Variants in NFIB observed in about 807,000 individuals in gnomAD.
The protein encoded by NFIB is nuclear factor 1 B-type.
In NFIB, 11 loss-of-function variants were observed where a neutral mutation model predicts 61.5. That is an observed-to-expected ratio of 0.18 (90% CI 0.11 to 0.30). The LOEUF is 0.30. Ranked by LOEUF, NFIB falls within the 10% of genes least tolerant of loss-of-function variation. The pLI, the probability that NFIB is intolerant of heterozygous loss-of-function variation, is 1.00. For missense variants in NFIB, 471 were observed against 608.9 expected (o/e 0.77, Z 2.38); for synonymous variants, 260 against 216.5 (o/e 1.20, Z -1.76).
At chr9:14,217,773 C>A (rs1405617780) in intron 2 of NFIB, among the ~76,000 whole-genome samples, 1 of 151,460 alleles carries the variant, frequency 6.6e-6, no homozygotes, top group Non-Finnish European at 1.5e-5. Context: ...TTATCTCATT[C>A]AAGATATTAC....
the NFIB span, among the ~76,000 whole-genome samples, chr9:14,515,653 C>CCCATTAT: frequency 6.6e-6 from 1 of 152,134 alleles, no homozygotes; most frequent in East Asian, 1.9e-4. Flanking sequence ...TGCCTCTGAA[C>CCCATTAT]GTCTGAGGCC....
At chr9:14,291,931 T>A (rs112253311) in intron 2 of NFIB, among the ~76,000 whole-genome samples, 1 of 152,150 alleles carries the variant, frequency 6.6e-6, no homozygotes. Context: ...ATTAGTTGAG[T>A]GCAATTTAGT....
intron 2 of NFIB, among the ~76,000 whole-genome samples, chr9:14,304,437 C>T (rs948391493): frequency 1.4e-4 from 22 of 152,252 alleles, no homozygotes; most frequent in African/African-American, 5.1e-4. Context: ...AACATCACTC[C>T]ACACTGCAAT....
In NFIB at chr9:14,107,313, CA is replaced by C. The variant is rs540305308; in HGVS notation, c.1467+5685del. ...TTGTATGTTTCACATACAACACATGCAAAAAAAAACAAACAAACAAAAAAAA... is the reference window on the plus strand; with the variant it reads ...TTGTATGTTTCACATACAACACATGCAAAAAAAACAAACAAACAAAAAAAA... On this transcript the variant is annotated intron_variant, in intron 10 of 10. Coordinates refer to ENST00000380953, the MANE Select transcript of NFIB (RefSeq NM_001190737.2). Among the ~76,000 whole-genome samples the C allele has an allele frequency of 7.0e-5, 10 of 143,214 alleles. No homozygotes were observed. In the South Asian group the frequency reaches 1.6e-3, roughly 22 times the overall value. The allele number at this position is 143,214 out of a possible 152,430, so 94.0% of individuals were successfully genotyped here.
At chr9:14,342,071 C>CT (rs1472913675) in intron 1 of NFIB, among the ~76,000 whole-genome samples, 1 of 152,150 alleles carries the variant, frequency 6.6e-6, no homozygotes, top group Non-Finnish European at 1.5e-5. Context: ...CCTTCTTAAG[C>CT]TTTTTGGCCA....
rs3747538 is a variant in NFIB, at chr9:14,307,808, C to T, written c.31-288G>A. Reference sequence around the variant, plus strand: ...ACTCTGGCCCCATCCCCCTTGTTTCCACCCCAATGCCATGCATTCTACATT... The same window carrying T: ...ACTCTGGCCCCATCCCCCTTGTTTCTACCCCAATGCCATGCATTCTACATT... On this transcript the variant is annotated intron_variant, in intron 1 of 10. Transcript: ENST00000380953. The surrounding 1 kb of genome is among the most constrained non-coding windows in gnomAD (Gnocchi z 5.3). The T allele has an allele frequency of 0.59, 147,421 of 251,790 alleles. 46,008 individuals carry two copies. The highest frequency in any genetic ancestry group is 0.72 in the South Asian group (7,301 of 10,142). 15.6% of individuals were successfully genotyped at this position (251,790 alleles called of 1,614,324 possible).
intron 2 of NFIB, among the ~76,000 whole-genome samples, chr9:14,196,615 T>C (rs186540086): frequency 1.3e-3 from 200 of 151,804 alleles, no homozygotes; most frequent in African/African-American, 4.6e-3. Context: ...CCACAGAATG[T>C]GTCCTCCAAG....
rs137894925 is a variant in NFIB at position 14,191,051 on chromosome 9, G to A, written c.563-11271C>T. ...CTACTAAAAATACAATAATTAGCTG[G>A]GCGTAGTGGTGGGTGCCTGTAGTCC... On this transcript the variant is annotated intron_variant, in intron 2 of 10. Transcript: ENST00000380953. 8.5e-5 allele frequency among the ~76,000 whole-genome samples: 13 copies of A among 152,206 alleles called. No homozygotes were observed. In the East Asian group the frequency reaches 2.5e-3, roughly 29 times the overall value.
chr9:14,285,347 T>C (rs997776517), intron 2 of NFIB, among the ~76,000 whole-genome samples: 1 of 152,204 alleles, frequency 6.6e-6, no homozygotes, highest in African/African-American at 2.4e-5. Flanking sequence ...GGTCCCGAAC[T>C]CCTGACCTCA....
intron 10 of NFIB, chr9:14,093,434 A>C (rs1312680065): frequency 6.6e-6 from 1 of 152,142 alleles, no homozygotes; most frequent in Non-Finnish European, 1.5e-5. Flanking sequence ...AAAAAAGCAC[A>C]AAGAGTTGTA....
intron 2 of NFIB, among the ~76,000 whole-genome samples, chr9:14,198,814 T>G (rs1164802286): frequency 6.6e-6 from 1 of 152,310 alleles, no homozygotes; most frequent in African/African-American, 2.4e-5. Context: ...TATGTGACTA[T>G]AGAGTCCTGA....
At chr9:14,131,405 G>A (rs772515677) in intron 6 of NFIB, among the ~76,000 whole-genome samples, 3 of 152,140 alleles carry the variant, frequency 2.0e-5, no homozygotes, top group Non-Finnish European at 4.4e-5. Context: ...GCCTTGATGT[G>A]TTATTTATTT....
chr9:14,119,496 ATTTT>A (rs1364242491), intron 8 of NFIB, among the ~76,000 whole-genome samples: 1 of 133,526 alleles, frequency 7.5e-6, no homozygotes, highest in African/African-American at 3.3e-5. Context: ...GACCAAAGGG[ATTTT>A]TTTCTCACCT....
At position 14,314,134 on chromosome 9, in the gene NFIB, G is replaced by C; in HGVS notation, c.-623C>G. ...TGTGTGTGCGCGAGGGGCAGCGTGAGCGAGTGCGCGCGGGTGGCGGGGCGC... is the reference window on the plus strand; with the variant it reads ...TGTGTGTGCGCGAGGGGCAGCGTGACCGAGTGCGCGCGGGTGGCGGGGCGC... On this transcript the variant is annotated 5_prime_UTR_variant, in exon 1 of 11. Coordinates refer to ENST00000380953, the MANE Select transcript of NFIB (RefSeq NM_001190737.2). 1 of 1,013,374 alleles carries C rather than the reference G, an allele frequency of 9.9e-7. No homozygotes were observed. 62.8% of individuals were successfully genotyped at this position (1,013,374 alleles called of 1,614,324 possible). A position where few individuals can be genotyped will look rare whatever the true frequency, so the allele number is the denominator to read the frequency against.
chr9:14,362,573 G>A (rs1293283565), intron 1 of NFIB: 1 of 152,148 alleles, frequency 6.6e-6, no homozygotes, highest in African/African-American at 2.4e-5. Context: ...AAGAATACCT[G>A]TTACTGCCCT....
chr9:14,409,589 G>A, the NFIB span, among the ~76,000 whole-genome samples: 11 of 152,330 alleles, frequency 7.2e-5, no homozygotes, highest in East Asian at 2.1e-3. Context: ...GGAAAGGGGA[G>A]CGGCAACACT....
intron 2 of NFIB, among the ~76,000 whole-genome samples, chr9:14,274,230 C>T (rs971840503): frequency 3.4e-5 from 5 of 148,716 alleles, no homozygotes; most frequent in African/African-American, 1.2e-4. Flanking sequence ...CCCCCTTTCT[C>T]TCTCTAGCAT....
At chr9:14,421,476 C>A in the NFIB span, among the ~76,000 whole-genome samples, 3 of 152,098 alleles carry the variant, frequency 2.0e-5, no homozygotes, top group African/African-American at 7.2e-5. Flanking sequence ...CAAAAACTAC[C>A]TGGAATTTGA....
At chr9:14,530,542 C>T in the NFIB span, among the ~76,000 whole-genome samples, 1 of 152,044 alleles carries the variant, frequency 6.6e-6, no homozygotes, top group Non-Finnish European at 1.5e-5. Context: ...CTCACATTAA[C>T]GAGAAAGGGT....
Sources: gnomAD v4.1 joint callset for allele counts (sites outside exome capture counted in the v4.1 genomes callset) on GRCh38, gnomAD v4.1.1 for gene constraint, Gnocchi (gnomAD v3.1) non-coding constraint, MANE v1.5 for transcripts, NCBI Gene and HGNC (gene_info 2026-07-23, HGNC 2026-07-21) for gene names.